Variants in GGT1 observed in about 807,000 individuals in gnomAD.
GGT1 encodes gamma-glutamyltransferase 1.
GGT1 carries 21 observed loss-of-function variants against 56.0 expected under a neutral mutation model. The ratio of observed to expected loss-of-function variants is 0.38; its 90% CI spans 0.27 to 0.54. GGT1 has a LOEUF of 0.54. GGT1 is among the 20% of genes least tolerant of loss of function. The pLI, the probability that GGT1 is intolerant of heterozygous loss-of-function variation, is 0.82. For synonymous variants in GGT1, 238 were observed against 342.6 expected, an observed-to-expected ratio of 0.69 and a Z score of 3.37; for missense variants, 466 against 787.0, an observed-to-expected ratio of 0.59 and a Z score of 4.88.
intron 4 of GGT1, among the ~76,000 whole-genome samples, chr22:24,610,867 AGG>A: frequency 6.6e-6 from 1 of 151,282 alleles, no homozygotes; most frequent in Non-Finnish European, 1.5e-5. Flanking sequence ...AGGATTTGGG[AGG>A]GCAGAGATGA....
At position 24,618,385 on chromosome 22, in the gene GGT1, G is replaced by A. The variant is rs575040168; in HGVS notation, c.383-1943G>A. Among the ~76,000 whole-genome samples the A allele has an allele frequency of 6.4e-4, 97 of 152,318 alleles. No individual in the cohort carries two copies. In the South Asian group the frequency reaches 0.019, roughly 31 times the overall value. On this transcript the variant is annotated intron_variant, in intron 7 of 15. Coordinates refer to ENST00000400382, the MANE Select transcript of GGT1 (RefSeq NM_001288833.2). ...GTGGGTGGATGACCTGAGGTCAGGA[G>A]TTTGAAACCAGCCTGGCCAACATGG...
Position 24,623,858 on chromosome 22 carries a change from G to A in GGT1, c.962G>A (p.Arg321Gln), listed in dbSNP as rs746168994. 4.6e-5 allele frequency: 74 copies of A among 1,611,768 alleles called. 1 individual carries two copies. Among genetic ancestry groups the A allele is most frequent in the South Asian group, 6.6e-5 (6 of 90,992 alleles). The change falls in exon 11 of 16, where the codon CGG becomes CAG. Residue 321 changes from arginine (R) to glutamine (Q), a missense_variant. This residue lies in a region of GGT1 where 456 missense variants were observed against 716.7 expected (regional missense o/e 0.64). Coordinates refer to ENST00000400382, the MANE Select transcript of GGT1 (RefSeq NM_001288833.2). ...LTYHRIVEAF[R>Q]FAYAKRTLLG... Reference sequence around the variant, plus strand: ...TACCACCGCATCGTAGAGGCTTTCCGGTTTGCCTACGCCAAGAGGACCCTG... The same window carrying A: ...TACCACCGCATCGTAGAGGCTTTCCAGTTTGCCTACGCCAAGAGGACCCTG...
At chr22:24,601,427 C>T (rs1601615388), upstream of GGT1, among the ~76,000 whole-genome samples, 2 of 152,224 alleles carry the variant, frequency 1.3e-5, no homozygotes, top group South Asian at 2.1e-4. Flanking sequence ...GTGGTTTGCA[C>T]AGCCTTCCTG....
chr22:24,592,643 C>T, upstream of GGT1: 1 of 734,974 alleles, frequency 1.4e-6, no homozygotes, highest in Non-Finnish European at 2.0e-6. Flanking sequence ...GCCGACCTCA[C>T]CCAGCCCTCA....
chr22:24,623,137 A>G lies in GGT1; in HGVS notation c.764A>G (p.Asn255Ser), dbSNP rs1279983696. 6.2e-7 allele frequency: 1 copy of G among 1,611,374 alleles called. No homozygotes were observed. Among genetic ancestry groups the G allele is most frequent in the South Asian group, 1.1e-5 (1 of 90,836 alleles). The change falls in exon 10 of 16, where the codon AAC becomes AGC. Residue 255 changes from asparagine (N) to serine (S), a missense_variant. Physicochemically the swap from Asn to Ser is conservative, Grantham distance 46. This residue lies in a region of GGT1 where 456 missense variants were observed against 716.7 expected (regional missense o/e 0.64). Transcript: ENST00000400382. Reference protein sequence around the residue: ...GGIVTAEDLNNYRAELIEHPL... With the variant: ...GGIVTAEDLNSYRAELIEHPL... ...ATTGTGACAGCTGAGGACCTGAACA[A>G]CTACCGTGCTGAGCTGATCGAGCAC...
At chr22:24,604,351 G>A (rs1340572859) in intron 1 of GGT1, among the ~76,000 whole-genome samples, 1 of 152,166 alleles carries the variant, frequency 6.6e-6, no homozygotes, top group African/African-American at 2.4e-5. Context: ...GGGTTGTGGT[G>A]ACAAAGCCAT....
chr22:24,625,505 A>G (rs2105500), intron 11 of GGT1, among the ~76,000 whole-genome samples: 5 of 151,010 alleles, frequency 3.3e-5, no homozygotes, highest in African/African-American at 4.9e-5. Context: ...GGATCAAACT[A>G]TCTTCCCACC....
chr22:24,620,409 G>A lies in GGT1; in HGVS notation c.464G>A (p.Arg155His), dbSNP rs747351337. 2.1e-5 allele frequency: 34 copies of A among 1,611,154 alleles called. No individual in the cohort carries two copies. Among genetic ancestry groups the A allele is most frequent in the East Asian group, 4.5e-5 (2 of 44,860 alleles). ...HQRHGRLPWA[R>H]LFQPSIQLAR... ...CGGCATGGGCGGCTGCCCTGGGCTC[G>A]CCTCTTCCAGCCCAGCATCCAGCTG... Residue 155 changes from arginine (R) to histidine (H), a missense_variant, in exon 8 of 16, where the codon CGC becomes CAC. Physicochemically the swap from Arg to His is conservative, Grantham distance 29 (BLOSUM62 0). This residue lies in a region of GGT1 where 456 missense variants were observed against 716.7 expected (regional missense o/e 0.64). Transcript: ENST00000400382. The surrounding 1 kb of genome is among the most constrained non-coding windows in gnomAD (Gnocchi z 5.6).
chr22:24,589,599 A>G, the GGT1 span: 3 of 580,896 alleles, frequency 5.2e-6, no homozygotes, highest in Non-Finnish European at 8.3e-6. Flanking sequence ...GGGTCTGCCC[A>G]GGACTCTGAG....
chr22:24,588,678 C>A, the GGT1 span: 8 of 1,107,976 alleles, frequency 7.2e-6, no homozygotes, highest in South Asian at 1.6e-4. Flanking sequence ...CGGGGACTTG[C>A]CACAGGGGGA....
rs1238882401 is a variant in GGT1 at position 24,610,517 on chromosome 22, G to A, written c.-22G>A. 3.0e-5 allele frequency: 5 copies of A among 164,576 alleles called. No homozygotes were observed. The highest frequency in any genetic ancestry group is 3.1e-4 in the South Asian group (2 of 6,394). 10.2% of individuals were successfully genotyped at this position (164,576 alleles called of 1,614,324 possible). A position where few individuals can be genotyped will look rare whatever the true frequency, so the allele number is the denominator to read the frequency against. ...ACCCCAGGCAAGGCTTGGGGCCCCCGTCTGCTGCTGGACGGTAAGTCCTGG... is the reference window on the plus strand; with the variant it reads ...ACCCCAGGCAAGGCTTGGGGCCCCCATCTGCTGCTGGACGGTAAGTCCTGG... On this transcript the variant is annotated 5_prime_UTR_variant, in exon 4 of 16. Transcript: ENST00000400382.
upstream of GGT1, chr22:24,599,396 C>T (rs1241126754): frequency 6.7e-6 from 1 of 148,562 alleles, no homozygotes; most frequent in Non-Finnish European, 1.5e-5. Context: ...AAAGGACGGG[C>T]ACCAGCAAGG....
At chr22:24,588,440 CA>C in the GGT1 span, 1 of 856,018 alleles carries the variant, frequency 1.2e-6, no homozygotes, top group Non-Finnish European at 1.9e-6. Context: ...AGTCATGCAC[CA>C]TGCATCACCG....
chr22:24,613,221 G>A (rs1460784902), intron 5 of GGT1, among the ~76,000 whole-genome samples: 2 of 152,140 alleles, frequency 1.3e-5, no homozygotes, highest in Non-Finnish European at 2.9e-5. Context: ...GACTACAGGC[G>A]TGCATCACAC....
In GGT1 at chr22:24,615,057, C is replaced by T. The variant is rs2046974623; in HGVS notation, c.312C>T (p.Ile104=). 6.2e-7 allele frequency: 1 copy of T among 1,612,084 alleles called. No individual in the cohort carries two copies. Among genetic ancestry groups the T allele is most frequent in the East Asian group, 2.2e-5 (1 of 44,878 alleles). Residue 104 remains isoleucine, a synonymous_variant, in exon 7 of 16, where the codon ATC becomes ATT. Transcript: ENST00000400382. ...YNSTTRKAEV[I]NAREVAPRLA... is the part of the protein sequence containing the mutation. Reference sequence around the variant, plus strand: ...TCCTTCTAGGAAAAGCTGAGGTCATCAACGCCCGCGAGGTGGCCCCCAGGC... The same window carrying T: ...TCCTTCTAGGAAAAGCTGAGGTCATTAACGCCCGCGAGGTGGCCCCCAGGC...
intron 7 of GGT1, among the ~76,000 whole-genome samples, chr22:24,615,464 C>T (rs1412527049): frequency 6.6e-6 from 1 of 152,216 alleles, no homozygotes; most frequent in African/African-American, 2.4e-5. Context: ...TCTCACAACC[C>T]TCCCTGCTCC....
chr22:24,598,374 AAGTTGCAGTG>A (rs1270329514), upstream of GGT1, among the ~76,000 whole-genome samples: 1 of 150,832 alleles, frequency 6.6e-6, no homozygotes, highest in Non-Finnish European at 1.5e-5. Context: ...CGAGGGGTGC[AAGTTGCAGTG>A]AGCCAAGATC....
At chr22:24,624,856 G>C (rs908889707) in intron 11 of GGT1, 1 of 151,874 alleles carries the variant, frequency 6.6e-6, no homozygotes, top group Admixed American at 6.6e-5. Flanking sequence ...CTCCCTTCAG[G>C]GTATCCCCTC....
At position 24,612,435 on chromosome 22, in the gene GGT1, A is replaced by G. The variant is rs2046774011; in HGVS notation, c.164+1190A>G. 2.7e-5 allele frequency among the ~76,000 whole-genome samples: 4 copies of G among 148,114 alleles called. No homozygotes were observed. The South Asian group carries it at 9.0e-4, about 33-fold the overall frequency. ...ACCAACTCATCATTTAGCATTAGGT[A>G]TATCTCCCAATGCCATCCCTCCCCC... On this transcript the variant is annotated intron_variant, in intron 5 of 15. Coordinates refer to ENST00000400382, the MANE Select transcript of GGT1 (RefSeq NM_001288833.2).
Sources: gnomAD v4.1 joint callset for allele counts (sites outside exome capture counted in the v4.1 genomes callset) on GRCh38, gnomAD v4.1.1 for gene constraint, gnomAD v4.1.1 regional missense constraint, Gnocchi (gnomAD v3.1) non-coding constraint, MANE v1.5 for transcripts, NCBI Gene and HGNC (gene_info 2026-07-23, HGNC 2026-07-21) for gene names.